NR3C2: variants seen among roughly 807,000 people sequenced by gnomAD.
NR3C2 encodes the protein mineralocorticoid receptor.
In NR3C2, 15 loss-of-function variants were observed where a neutral mutation model predicts 86.4. The observed-to-expected ratio is 0.17, with a 90% CI of 0.12 to 0.27. The LOEUF is 0.27. Among genes scored for constraint, NR3C2 ranks in the 10% least tolerant of loss-of-function variants. The pLI, the probability that NR3C2 is intolerant of heterozygous loss-of-function variation, is 1.00. For missense variants in NR3C2, 960 were observed against 1,195.6 expected (o/e 0.80, Z 2.91); for synonymous variants, 458 against 450.5 (o/e 1.02, Z -0.21).
chr4:148,419,480 G>A (rs769901835), intron 2 of NR3C2, among the ~76,000 whole-genome samples: 2 of 152,128 alleles, frequency 1.3e-5, no homozygotes, highest in Non-Finnish European at 2.9e-5. Flanking sequence ...AATGGCACAG[G>A]CCCTCAGTGA....
At chr4:148,260,601 T>A (rs776100819) in intron 2 of NR3C2, among the ~76,000 whole-genome samples, 9 of 152,188 alleles carry the variant, frequency 5.9e-5, no homozygotes, top group Admixed American at 2.0e-4. Context: ...TTTAAAAAAA[T>A]TTTATCTTGT....
chr4:148,122,540 T>C (rs1415737259), intron 6 of NR3C2, among the ~76,000 whole-genome samples: 2 of 152,206 alleles, frequency 1.3e-5, no homozygotes, highest in South Asian at 2.1e-4. Context: ...CAAGTTTGGA[T>C]GTTCTCTACC....
At chr4:148,136,056 C>CAAAAAAAA (rs199716496) in intron 6 of NR3C2, among the ~76,000 whole-genome samples, 3 of 71,104 alleles carry the variant, frequency 4.2e-5, no homozygotes, top group African/African-American at 2.0e-4. Flanking sequence ...GACTCCGTCT[C>CAAAAAAAA]AAAAAAAAAA....
At chr4:148,136,089 ACACCACC>A (rs1560940065) in intron 6 of NR3C2, among the ~76,000 whole-genome samples, 18 of 135,508 alleles carry the variant, frequency 1.3e-4, no homozygotes, top group African/African-American at 4.6e-4. Context: ...AAAAAAAAAA[ACACCACC>A]AAAACCAACA....
intron 2 of NR3C2, among the ~76,000 whole-genome samples, chr4:148,353,738 TA>T (rs1402148200): frequency 2.6e-5 from 4 of 152,166 alleles, no homozygotes; most frequent in Admixed American, 1.3e-4. Context: ...CTCAGAACAA[TA>T]GACTCTCTGT....
chr4:148,370,395 G>A (rs1217646811), intron 2 of NR3C2, among the ~76,000 whole-genome samples: 1 of 152,162 alleles, frequency 6.6e-6, no homozygotes, highest in Admixed American at 6.6e-5. Context: ...ACTAAGCAAG[G>A]AGATGGTTGC....
intron 2 of NR3C2, among the ~76,000 whole-genome samples, chr4:148,394,215 C>G (rs928194487): frequency 6.6e-6 from 1 of 152,020 alleles, no homozygotes; most frequent in African/African-American, 2.4e-5. Context: ...CTGACTGGGC[C>G]CAGCTAAATC....
At chr4:148,427,699 A>T (rs1342556279) in intron 2 of NR3C2, among the ~76,000 whole-genome samples, 1 of 152,058 alleles carries the variant, frequency 6.6e-6, no homozygotes, top group African/African-American at 2.4e-5. Flanking sequence ...AAAGAGGAAA[A>T]GTGTCTTCAG....
chr4:148,406,994 G>A (rs1382454199), intron 2 of NR3C2, among the ~76,000 whole-genome samples: 1 of 152,180 alleles, frequency 6.6e-6, no homozygotes, highest in Non-Finnish European at 1.5e-5. Flanking sequence ...ATTAAATCAT[G>A]ACAACCATTT....
intron 2 of NR3C2, among the ~76,000 whole-genome samples, chr4:148,403,264 G>C (rs1488522082): frequency 1.3e-5 from 2 of 151,866 alleles, no homozygotes; most frequent in Non-Finnish European, 2.9e-5. Flanking sequence ...AACACATATT[G>C]GATGCTGAAA....
At chr4:148,403,145 T>C (rs767402055) in intron 2 of NR3C2, among the ~76,000 whole-genome samples, 2 of 152,040 alleles carry the variant, frequency 1.3e-5, no homozygotes, top group Non-Finnish European at 2.9e-5. Context: ...TAGTCTAATT[T>C]AAAAAATGAA....
At chr4:148,127,503 C>T (rs927823084) in intron 6 of NR3C2, among the ~76,000 whole-genome samples, 9 of 152,098 alleles carry the variant, frequency 5.9e-5, no homozygotes, top group African/African-American at 2.2e-4. Flanking sequence ...AAAAGTCACC[C>T]TTGAACAGTG....
chr4:148,303,190 C>T (rs1045123167), intron 2 of NR3C2, among the ~76,000 whole-genome samples: 1 of 152,136 alleles, frequency 6.6e-6, no homozygotes, highest in African/African-American at 2.4e-5. Context: ...AAAACTTTCA[C>T]ATTTGACATT....
chr4:148,319,146 T>C (rs1282495518), intron 2 of NR3C2, among the ~76,000 whole-genome samples: 2 of 151,300 alleles, frequency 1.3e-5, no homozygotes, highest in East Asian at 3.9e-4. Flanking sequence ...CCTTTCCCCA[T>C]TGCTCGTTTT....
chr4:148,142,801 CG>C (rs1733675983), intron 6 of NR3C2, among the ~76,000 whole-genome samples: 1 of 152,148 alleles, frequency 6.6e-6, no homozygotes, highest in African/African-American at 2.4e-5. Context: ...TGCCCAGCCT[CG>C]GGGTGGATTT....
At chr4:148,225,809 A>G (rs1738126782) in intron 3 of NR3C2, among the ~76,000 whole-genome samples, 1 of 152,096 alleles carries the variant, frequency 6.6e-6, no homozygotes, top group Non-Finnish European at 1.5e-5. Flanking sequence ...TTCATCTTGG[A>G]GATTATAATC....
intron 2 of NR3C2, among the ~76,000 whole-genome samples, chr4:148,429,435 CT>C (rs201734536): frequency 2.6e-5 from 4 of 152,116 alleles, no homozygotes; most frequent in East Asian, 1.9e-4. Context: ...ATTCAAATTA[CT>C]TTTTTTTGTC....
intron 8 of NR3C2, among the ~76,000 whole-genome samples, chr4:148,090,323 C>A (rs1019431737): frequency 1.3e-5 from 2 of 152,190 alleles, no homozygotes; most frequent in Admixed American, 6.5e-5. Context: ...GGCACATGAC[C>A]TGAAGGTCGC....
At chr4:148,283,489 T>TCAC (rs1579104591) in intron 2 of NR3C2, among the ~76,000 whole-genome samples, 2 of 152,140 alleles carry the variant, frequency 1.3e-5, no homozygotes, top group East Asian at 3.9e-4. Context: ...CCCATGGTGA[T>TCAC]CACCAGGCTT....
Sources: allele counts gnomAD v4.1 joint callset (sites outside exome capture counted in the v4.1 genomes callset), GRCh38; gene constraint gnomAD v4.1.1; transcripts MANE v1.5; gene names NCBI Gene and HGNC (gene_info 2026-07-23, HGNC 2026-07-21).